Variants in PDXDC1 observed in about 807,000 individuals in gnomAD.
PDXDC1 encodes pyridoxal dependent decarboxylase domain containing 1, also known as pyridoxal-dependent decarboxylase domain-containing protein 1.
A neutral mutation model predicts 100.1 loss-of-function variants in PDXDC1; 42 were observed. The observed-to-expected ratio is 0.42, with a 90% CI of 0.33 to 0.54. The LOEUF is 0.54. Among genes scored for constraint, PDXDC1 ranks in the 20% least tolerant of loss-of-function variants. The pLI is 0.10. For synonymous variants in PDXDC1, 260 were observed against 371.7 expected (o/e 0.70, Z 3.46); for missense variants, 636 against 979.2 (o/e 0.65, Z 4.68).
chr16:15,093,849 G>A (rs987174266), intron 16 of PDXDC1: 2 of 450,202 alleles, frequency 4.4e-6, no homozygotes, highest in Admixed American at 4.6e-5. Flanking sequence ...CGAAGAAGAG[G>A]GAAGGAAGAG....
downstream of PDXDC1, chr16:15,041,654 A>G (rs2043821008): frequency 1.2e-6 from 2 of 1,610,374 alleles, no homozygotes; most frequent in Non-Finnish European, 1.7e-6. Context: ...AGTGAATGTC[A>G]TCTTCTTGCC....
chr16:14,977,181 T>C (rs1214928136), intron 1 of PDXDC1, among the ~76,000 whole-genome samples: 2 of 152,270 alleles, frequency 1.3e-5, no homozygotes, highest in Non-Finnish European at 2.9e-5. Context: ...AGTGATCTTT[T>C]AGGAATTCAG....
At chr16:14,979,441 C>T (rs1967452666) in intron 1 of PDXDC1, among the ~76,000 whole-genome samples, 1 of 152,402 alleles carries the variant, frequency 6.6e-6, no homozygotes, top group Non-Finnish European at 1.5e-5. Flanking sequence ...AGGCACCCAC[C>T]ACCACACCTG....
chr16:15,125,507 C>G, intron 16 of PDXDC1: 1 of 1,425,738 alleles, frequency 7.0e-7, no homozygotes, highest in South Asian at 1.1e-5. Context: ...ACTCCAGACA[C>G]AGTGACCTGC....
At chr16:15,094,119 G>A (rs772845760) in intron 16 of PDXDC1, 5 of 1,569,250 alleles carry the variant, frequency 3.2e-6, no homozygotes, top group Non-Finnish European at 3.5e-6. Flanking sequence ...TCCCAGATAC[G>A]CAGAAGGAAG....
At chr16:15,093,504 T>C (rs548273596) in intron 16 of PDXDC1, among the ~76,000 whole-genome samples, 28 of 152,352 alleles carry the variant, frequency 1.8e-4, no homozygotes, top group African/African-American at 6.5e-4. Context: ...GACATTAGTG[T>C]CTTTGGATAA....
downstream of PDXDC1, among the ~76,000 whole-genome samples, chr16:15,042,748 A>ATTTATTTATTTATTTT (rs2043877057): frequency 1.3e-5 from 2 of 149,728 alleles, no homozygotes; most frequent in Non-Finnish European, 3.0e-5. Flanking sequence ...TTATTTATTT[A>ATTTATTTATTTATTTT]TTGAGACGAA....
intron 1 of PDXDC1, chr16:14,989,754 T>C: frequency 6.5e-7 from 1 of 1,547,510 alleles, no homozygotes; most frequent in Non-Finnish European, 8.6e-7. Flanking sequence ...CTCTCCAGCT[T>C]CAGCCAGCGC....
At chr16:15,143,093 T>G (rs950045105), downstream of PDXDC1, among the ~76,000 whole-genome samples, 1 of 152,028 alleles carries the variant, frequency 6.6e-6, no homozygotes, top group Non-Finnish European at 1.5e-5. Context: ...TACACCCCCA[T>G]GGGGGGCAGG....
chr16:15,075,401 G>A (rs567275804), intron 16 of PDXDC1, among the ~76,000 whole-genome samples: 1 of 151,932 alleles, frequency 6.6e-6, no homozygotes, highest in Admixed American at 6.6e-5. Context: ...AGTGAGACCT[G>A]TCTCTACAAA....
intron 22 of PDXDC1, 144 bp from the exon 23 acceptor site, chr16:15,035,872 T>C (rs1471316827): frequency 1.5e-5 from 13 of 884,260 alleles, no homozygotes; most frequent in Non-Finnish European, 1.7e-5. Context: ...CTCGGTTTTC[T>C]CATCTCCTAA....
At chr16:15,013,050 G>T (rs1425136109) in intron 8 of PDXDC1, among the ~76,000 whole-genome samples, 1 of 152,206 alleles carries the variant, frequency 6.6e-6, no homozygotes, top group African/African-American at 2.4e-5. Flanking sequence ...GGCACCTGTA[G>T]TCCTAGCTAC....
intron 16 of PDXDC1, among the ~76,000 whole-genome samples, chr16:15,072,789 C>T (rs1430901712): frequency 6.6e-6 from 1 of 151,738 alleles, no homozygotes; most frequent in Non-Finnish European, 1.5e-5. Flanking sequence ...GAAAAGAAAA[C>T]AAAAAAAGAA....
At chr16:15,152,290 C>G in the PDXDC1 span, among the ~76,000 whole-genome samples, 2 of 131,830 alleles carry the variant, frequency 1.5e-5, no homozygotes, top group African/African-American at 5.2e-5. Flanking sequence ...CAGACAGCAA[C>G]GCTCCTGGAC....
chr16:15,007,659 A>G (rs978473676), intron 6 of PDXDC1, among the ~76,000 whole-genome samples: 1 of 152,280 alleles, frequency 6.6e-6, no homozygotes, highest in African/African-American at 2.4e-5. Flanking sequence ...TGACTTTTAA[A>G]TTGATTCTGA....
rs2043540046 is a variant in PDXDC1, at chr16:15,037,541, T to A, written c.*1266T>A. ...ATTTGGTGCAATGAAGTATAGCAGATAAAATGGGGGAGGGGTAAATTATCA... is the reference window on the plus strand; with the variant it reads ...ATTTGGTGCAATGAAGTATAGCAGAAAAAATGGGGGAGGGGTAAATTATCA... On this transcript the variant is annotated 3_prime_UTR_variant, in exon 23 of 23. Transcript: ENST00000396410. 6.5e-6 allele frequency: 1 copy of A among 153,554 alleles called. No individual in the cohort carries two copies. The highest frequency in any genetic ancestry group is 1.4e-5 in the Non-Finnish European group (1 of 69,178). 9.5% of individuals were successfully genotyped at this position (153,554 alleles called of 1,614,324 possible). A position where few individuals can be genotyped will look rare whatever the true frequency, so the allele number is the denominator to read the frequency against.
chr16:15,125,590 C>A (rs2047666965), intron 16 of PDXDC1: 2 of 1,419,924 alleles, frequency 1.4e-6, no homozygotes, highest in Admixed American at 1.7e-5. Flanking sequence ...CTTCACCTGT[C>A]CAGCAAAGGC....
intron 16 of PDXDC1, among the ~76,000 whole-genome samples, chr16:15,122,130 C>T (rs1259684943): frequency 6.6e-6 from 1 of 152,078 alleles, no homozygotes; most frequent in Non-Finnish European, 1.5e-5. Context: ...TGCCACTGCA[C>T]TCCAGCCTGG....
At chr16:15,094,035 GCTC>G in intron 16 of PDXDC1, 1 of 929,740 alleles carries the variant, frequency 1.1e-6, no homozygotes, top group South Asian at 1.4e-5. Flanking sequence ...TCCACCCCGT[GCTC>G]CTATCACACG....
Sources: allele counts gnomAD v4.1 joint callset (sites outside exome capture counted in the v4.1 genomes callset), GRCh38; gene constraint gnomAD v4.1.1; transcripts MANE v1.5; gene names NCBI Gene and HGNC (gene_info 2026-07-23, HGNC 2026-07-21).